Variants in ERG observed in about 807,000 individuals in gnomAD.
ERG encodes ETS transcription factor ERG, also known as transcriptional regulator ERG.
In ERG, 9 loss-of-function variants were observed where a neutral mutation model predicts 55.3. The ratio of observed to expected loss-of-function variants is 0.16; its 90% CI spans 0.10 to 0.28. The LOEUF (loss-of-function observed/expected upper bound fraction) is 0.28. ERG is among the 10% of genes least tolerant of loss of function. ERG has a pLI of 1.00. For missense variants in ERG, 434 were observed against 631.6 expected (o/e 0.69, Z 3.35); for synonymous variants, 223 against 237.3 (o/e 0.94, Z 0.55).
intron 2 of ERG, among the ~76,000 whole-genome samples, chr21:38,510,646 C>T (rs1311320322): frequency 6.6e-6 from 1 of 152,158 alleles, no homozygotes; most frequent in African/African-American, 2.4e-5. Context: ...AAACCAAAAC[C>T]AGATGTGAAG....
At chr21:38,489,008 C>T (rs560454915) in intron 1 of ERG, among the ~76,000 whole-genome samples, 12 of 152,296 alleles carry the variant, frequency 7.9e-5, no homozygotes, top group African/African-American at 1.2e-4. Context: ...GAGGAGATAA[C>T]GAATAATGGA....
intron 1 of ERG, among the ~76,000 whole-genome samples, chr21:38,582,880 G>C (rs1241118759): frequency 6.6e-6 from 1 of 152,056 alleles, no homozygotes; most frequent in Non-Finnish European, 1.5e-5. Context: ...CCGAGCAGCT[G>C]GGATTACAGG....
At chr21:38,445,734 A>G (rs974649848) in intron 1 of ERG, 113 bp from the exon 2 acceptor site, 16 of 763,014 alleles carry the variant, frequency 2.1e-5, no homozygotes, top group Middle Eastern at 2.6e-4. Context: ...GATCGTTTTT[A>G]TGGTCTCCAT....
chr21:38,518,875 A>G (rs1266046625), intron 2 of ERG, among the ~76,000 whole-genome samples: 2 of 152,210 alleles, frequency 1.3e-5, no homozygotes, highest in South Asian at 2.1e-4. Flanking sequence ...GTGGAAGATG[A>G]TATCTTTAAC....
rs1987374294 is a variant in ERG, at chr21:38,380,485, A to T, written c.*2918T>A. 9.4e-7 allele frequency: 1 copy of T among 1,065,354 alleles called. No homozygotes were observed. The highest frequency in any genetic ancestry group is 1.1e-6 in the Non-Finnish European group (1 of 879,306). The allele number at this position is 1,065,354 out of a possible 1,614,324, so 66.0% of individuals were successfully genotyped here. A position where few individuals can be genotyped will look rare whatever the true frequency, so the allele number is the denominator to read the frequency against. On this transcript the variant is annotated 3_prime_UTR_variant, in exon 10 of 10. Transcript: ENST00000288319. ...GAAAGCCAATTGAAGACAAGAAAAGAAGACAAATCTCTTGCCAGCAGGAGT... is the reference window on the plus strand; with the variant it reads ...GAAAGCCAATTGAAGACAAGAAAAGTAGACAAATCTCTTGCCAGCAGGAGT...
rs112577935 is a variant in ERG at position 38,415,701 on chromosome 21, C to T, written c.388+7709G>A. On this transcript the variant is annotated intron_variant, in intron 3 of 9. Transcript: ENST00000288319. ...TCTCACCCAGTTGTGCAAGTGTTCC[C>T]GGGAAAGTCATTTCACCTCTCTCAG... 7.5e-3 allele frequency among the ~76,000 whole-genome samples: 1,138 copies of T among 152,146 alleles called. 14 individuals are homozygous for T. The highest frequency in any genetic ancestry group is 0.026 in the African/African-American group (1,074 of 41,488).
intron 1 of ERG, among the ~76,000 whole-genome samples, chr21:38,616,242 A>T (rs148325647): frequency 9.9e-5 from 15 of 152,250 alleles, no homozygotes; most frequent in African/African-American, 3.1e-4. Flanking sequence ...GCTGTGAGTC[A>T]ATTAAACCTC....
chr21:38,556,766 G>A (rs997411502), intron 2 of ERG, among the ~76,000 whole-genome samples: 1 of 152,102 alleles, frequency 6.6e-6, no homozygotes, highest in African/African-American at 2.4e-5. Flanking sequence ...AAGAAAGCAG[G>A]GTTCTCTTGC....
At chr21:38,559,383 C>CTTTTTTTT (rs574207119) in intron 2 of ERG, among the ~76,000 whole-genome samples, 8 of 92,058 alleles carry the variant, frequency 8.7e-5, no homozygotes, top group South Asian at 4.4e-4. Context: ...TCCCATTTCC[C>CTTTTTTTT]TTTTTTTTTT....
chr21:38,535,043 C>A (rs2059699456), intron 2 of ERG, among the ~76,000 whole-genome samples: 1 of 151,976 alleles, frequency 6.6e-6, no homozygotes, highest in South Asian at 2.1e-4. Context: ...GTTTGCTGCA[C>A]CTATCAACCC....
intron 2 of ERG, among the ~76,000 whole-genome samples, chr21:38,511,495 C>T (rs1281151027): frequency 6.6e-6 from 1 of 152,116 alleles, no homozygotes; most frequent in Admixed American, 6.5e-5. Context: ...AAAGATAAGA[C>T]ACAATCATAT....
intron 1 of ERG, among the ~76,000 whole-genome samples, chr21:38,619,778 C>T (rs1290786317): frequency 6.6e-6 from 1 of 152,222 alleles, no homozygotes; most frequent in Non-Finnish European, 1.5e-5. Context: ...TCATTGTCAT[C>T]ACTTTCCAGT....
At chr21:38,513,225 A>C (rs2059527785) in intron 2 of ERG, among the ~76,000 whole-genome samples, 1 of 152,134 alleles carries the variant, frequency 6.6e-6, no homozygotes, top group African/African-American at 2.4e-5. Context: ...TTATTCATTG[A>C]GACAAGAGTA....
At chr21:38,439,526 G>A (rs567561328) in intron 2 of ERG, among the ~76,000 whole-genome samples, 3 of 152,190 alleles carry the variant, frequency 2.0e-5, no homozygotes, top group Non-Finnish European at 4.4e-5. Context: ...AACACTTGGG[G>A]CTTTCTGGTG....
intron 2 of ERG, among the ~76,000 whole-genome samples, chr21:38,437,809 C>T (rs1289968213): frequency 1.3e-5 from 2 of 152,134 alleles, no homozygotes; most frequent in Non-Finnish European, 2.9e-5. Context: ...CCCTTGCTAC[C>T]ACTCTCACCC....
chr21:38,638,356 C>T (rs1190810088), intron 1 of ERG, among the ~76,000 whole-genome samples: 1 of 152,316 alleles, frequency 6.6e-6, no homozygotes, highest in South Asian at 2.1e-4. Context: ...TATCACTTTG[C>T]GTGCATCTGG....
At chr21:38,522,106 G>A (rs1194076262) in intron 2 of ERG, among the ~76,000 whole-genome samples, 2 of 152,052 alleles carry the variant, frequency 1.3e-5, no homozygotes, top group Non-Finnish European at 2.9e-5. Flanking sequence ...TAAACCTAAA[G>A]TAGCATCAAT....
intron 5 of ERG, 116 bp from the exon 6 acceptor site, chr21:38,400,761 C>A (rs1988452081): frequency 2.8e-6 from 2 of 713,312 alleles, no homozygotes. Flanking sequence ...CCTCCTCAAA[C>A]CTGCCTTAAC....
chr21:38,661,137 C>T (rs573903348), intron 1 of ERG, among the ~76,000 whole-genome samples: 1 of 123,332 alleles, frequency 8.1e-6, no homozygotes, highest in Admixed American at 1.0e-4. Flanking sequence ...GGGCGAGGAG[C>T]AAGGGAAGGA....
Sources: allele counts gnomAD v4.1 joint callset (sites outside exome capture counted in the v4.1 genomes callset), GRCh38; gene constraint gnomAD v4.1.1; transcripts MANE v1.5; gene names NCBI Gene and HGNC (gene_info 2026-07-23, HGNC 2026-07-21).